Variants in GPC6 observed in about 807,000 individuals in gnomAD.
GPC6 encodes the protein glypican-6.
In GPC6, 14 loss-of-function variants were observed where a neutral mutation model predicts 55.2. That is an observed-to-expected ratio of 0.25 (90% CI 0.17 to 0.40). GPC6 has a LOEUF of 0.40. Among genes scored for constraint, GPC6 ranks in the 10% least tolerant of loss-of-function variants. GPC6 has a pLI of 1.00. For synonymous variants in GPC6, 278 were observed against 259.6 expected (o/e 1.07, Z -0.68); for missense variants, 641 against 708.5 (o/e 0.90, Z 1.08).
chr13:94,328,527 G>C (rs140349949), intron 6 of GPC6, among the ~76,000 whole-genome samples: 1 of 152,170 alleles, frequency 6.6e-6, no homozygotes, highest in Non-Finnish European at 1.5e-5. Flanking sequence ...CCTGTCGTTG[G>C]TCTCACTCAT....
At chr13:94,183,130 G>A (rs866909410) in intron 4 of GPC6, among the ~76,000 whole-genome samples, 11 of 151,994 alleles carry the variant, frequency 7.2e-5, no homozygotes, top group Non-Finnish European at 1.0e-4. Context: ...TCATAATTTC[G>A]TGCAACCATT....
At chr13:93,801,254 T>A (rs1886358258) in intron 2 of GPC6, among the ~76,000 whole-genome samples, 1 of 152,234 alleles carries the variant, frequency 6.6e-6, no homozygotes, top group South Asian at 2.1e-4. Flanking sequence ...ACAAGTTATC[T>A]TTTCCAGGGT....
intron 4 of GPC6, among the ~76,000 whole-genome samples, chr13:94,140,958 G>A (rs528968576): frequency 2.0e-5 from 3 of 151,656 alleles, no homozygotes; most frequent in South Asian, 2.1e-4. Context: ...AATAGATGTA[G>A]GCATGTGTTA....
chr13:93,228,238 G>A (rs55695812), intron 1 of GPC6, among the ~76,000 whole-genome samples: 39,864 of 152,072 alleles, frequency 0.26, 5,433 homozygotes, highest in East Asian at 0.41. Context: ...GCTGGTTTGG[G>A]GACTTCACGG....
intron 1 of GPC6, among the ~76,000 whole-genome samples, chr13:93,272,492 GTATATATATA>G (rs61556173): frequency 4.6e-4 from 63 of 137,110 alleles, no homozygotes; most frequent in South Asian, 2.1e-3. Context: ...TTGTCTGTGT[GTATATATATA>G]TATATATATA....
In GPC6 at chr13:94,163,907, G is replaced by C. The variant is rs189120404; in HGVS notation, c.878-122442G>C. ...CAATCAGATACAGTATAGATGACTA[G>C]ATAAAAATGAGAATAAATATGCAGT... On this transcript the variant is annotated intron_variant, in intron 4 of 8. Transcript: ENST00000377047. Among the ~76,000 whole-genome samples the C allele has an allele frequency of 5.1e-4, 77 of 152,302 alleles. 1 individual carries two copies. The highest frequency in any genetic ancestry group is 8.5e-4 in the Non-Finnish European group (58 of 68,020).
At chr13:93,720,294 G>T (rs1883406009) in intron 2 of GPC6, among the ~76,000 whole-genome samples, 1 of 152,012 alleles carries the variant, frequency 6.6e-6, no homozygotes, top group Non-Finnish European at 1.5e-5. Context: ...GTTTGGTCTT[G>T]GGAGGGTGTA....
At chr13:93,327,186 T>C (rs1218500521) in intron 1 of GPC6, among the ~76,000 whole-genome samples, 1 of 152,334 alleles carries the variant, frequency 6.6e-6, no homozygotes, top group East Asian at 1.9e-4. Flanking sequence ...CTTACCTCTA[T>C]CTTTTTAATA....
intron 4 of GPC6, among the ~76,000 whole-genome samples, chr13:94,059,641 C>T: frequency 6.6e-6 from 1 of 151,942 alleles, no homozygotes; most frequent in Non-Finnish European, 1.5e-5. Context: ...TTTCACAGTT[C>T]TGGAGGCCAG....
At chr13:93,741,992 T>C (rs1884219727) in intron 2 of GPC6, among the ~76,000 whole-genome samples, 1 of 152,206 alleles carries the variant, frequency 6.6e-6, no homozygotes, top group Non-Finnish European at 1.5e-5. Flanking sequence ...TAAAAAAATG[T>C]AAATAACAAA....
At chr13:93,523,558 G>A (rs116840362) in intron 1 of GPC6, among the ~76,000 whole-genome samples, 2,213 of 139,288 alleles carry the variant, frequency 0.016, 45 homozygotes, top group African/African-American at 0.053. Context: ...TATAAGTTAC[G>A]CACTTCCTCA....
intron 1 of GPC6, among the ~76,000 whole-genome samples, chr13:93,299,461 T>A (rs1878602664): frequency 6.6e-6 from 1 of 152,230 alleles, no homozygotes; most frequent in South Asian, 2.1e-4. Context: ...AATTCCATAA[T>A]AAATGTTGCT....
intron 1 of GPC6, among the ~76,000 whole-genome samples, chr13:93,542,329 G>A (rs1882347859): frequency 6.6e-6 from 1 of 152,162 alleles, no homozygotes; most frequent in Non-Finnish European, 1.5e-5. Flanking sequence ...AGATCAGATA[G>A]TTGTAGATAT....
At chr13:93,997,934 A>C (rs74109184) in intron 3 of GPC6, among the ~76,000 whole-genome samples, 6 of 152,198 alleles carry the variant, frequency 3.9e-5, no homozygotes, top group Non-Finnish European at 5.9e-5. Flanking sequence ...CTTATCTCCC[A>C]AATTTCCATC....
intron 1 of GPC6, among the ~76,000 whole-genome samples, chr13:93,313,670 T>A (rs890669511): frequency 2.0e-5 from 3 of 152,046 alleles, no homozygotes; most frequent in Admixed American, 6.6e-5. Flanking sequence ...ATTTTTTTTT[T>A]AAAGAGACAA....
chr13:94,389,755 G>A (rs185588467), intron 7 of GPC6, among the ~76,000 whole-genome samples: 1 of 152,128 alleles, frequency 6.6e-6, no homozygotes, highest in East Asian at 1.9e-4. Context: ...TTATTTCAGA[G>A]CCTTCAGAGG....
chr13:93,923,487 C>CAAAA (rs5805836), intron 3 of GPC6, among the ~76,000 whole-genome samples: 11 of 149,202 alleles, frequency 7.4e-5, no homozygotes, highest in African/African-American at 2.7e-4. Flanking sequence ...AAAAATAAAG[C>CAAAA]AAAAAAAAAA....
chr13:93,714,175 C>A (rs1883169026), intron 2 of GPC6, among the ~76,000 whole-genome samples: 1 of 151,748 alleles, frequency 6.6e-6, no homozygotes. Context: ...AGAAAATATT[C>A]ACAAACTATT....
intron 3 of GPC6, among the ~76,000 whole-genome samples, chr13:94,026,820 G>A (rs1233776015): frequency 6.6e-6 from 1 of 151,992 alleles, no homozygotes; most frequent in Non-Finnish European, 1.5e-5. Context: ...CCAAGCAAAA[G>A]GGGAAAAAGC....
Sources: gnomAD v4.1 joint callset for allele counts (sites outside exome capture counted in the v4.1 genomes callset) on GRCh38, gnomAD v4.1.1 for gene constraint, MANE v1.5 for transcripts, NCBI Gene and HGNC (gene_info 2026-07-23, HGNC 2026-07-21) for gene names.